Variants in CSMD1 observed in about 807,000 individuals in gnomAD.
The protein encoded by CSMD1 is CUB and sushi domain-containing protein 1.
A neutral mutation model predicts 417.5 loss-of-function variants in CSMD1; 213 were observed. That is an observed-to-expected ratio of 0.51 (90% confidence interval 0.46 to 0.57). CSMD1 has a LOEUF of 0.57. CSMD1 is among the 20% of genes least tolerant of loss of function. The probability of loss-of-function intolerance (pLI) is 0.00; values close to 1 mark genes in which losing one functional copy is unlikely to be tolerated. For synonymous variants in CSMD1, 2,862 were observed against 1,736.8 expected, an observed-to-expected ratio of 1.65 and a Z score of -16.11; for missense variants, 6,923 against 4,529.7, an observed-to-expected ratio of 1.53 and a Z score of -15.17.
At chr8:3,606,712 A>G (rs1391936828) in intron 8 of CSMD1, among the ~76,000 whole-genome samples, 2 of 84,842 alleles carry the variant, frequency 2.4e-5, no homozygotes, top group Non-Finnish European at 5.5e-5. Flanking sequence ...ACTTCGTTAC[A>G]ATTTTTTTTT....
At chr8:3,392,108 C>T (rs113208759) in intron 17 of CSMD1, among the ~76,000 whole-genome samples, 2 of 53,670 alleles carry the variant, frequency 3.7e-5, no homozygotes, top group East Asian at 4.4e-4. Flanking sequence ...GCCTGTTGTG[C>T]GGTGGGGGGA....
intron 10 of CSMD1, among the ~76,000 whole-genome samples, chr8:3,542,290 A>G (rs967240682): frequency 2.6e-5 from 4 of 151,970 alleles, no homozygotes; most frequent in South Asian, 2.1e-4. Flanking sequence ...TGGTTCATTC[A>G]TTCAGATGGT....
At chr8:3,423,988 C>G (rs1237356536) in intron 12 of CSMD1, among the ~76,000 whole-genome samples, 1 of 151,876 alleles carries the variant, frequency 6.6e-6, no homozygotes. Context: ...TACCAGTTTT[C>G]TTTGTTGGTG....
intron 27 of CSMD1, among the ~76,000 whole-genome samples, chr8:3,226,472 A>G (rs1231414472): frequency 6.6e-6 from 1 of 151,230 alleles, no homozygotes; most frequent in Non-Finnish European, 1.5e-5. Flanking sequence ...AATCCTAGCT[A>G]CTCAGGAGGC....
At chr8:4,430,380 C>G (rs928228662) in intron 2 of CSMD1, among the ~76,000 whole-genome samples, 2 of 152,130 alleles carry the variant, frequency 1.3e-5, no homozygotes, top group African/African-American at 4.8e-5. Context: ...TCAGTTTATT[C>G]AAATATATCA....
rs112370578 is a variant in CSMD1, at chr8:3,226,361, T to C, written c.4346-2494A>G. On this transcript the variant is annotated intron_variant, in intron 27 of 69. Coordinates refer to ENST00000635120, the MANE Select transcript of CSMD1 (RefSeq NM_033225.6). Reference sequence around the variant, plus strand: ...ACTTTGGGAGGCCAAGGTGGGCGGATCATCTGAGGGCAGGAGTTCGAGACC... The same window carrying C: ...ACTTTGGGAGGCCAAGGTGGGCGGACCATCTGAGGGCAGGAGTTCGAGACC... Among the ~76,000 whole-genome samples the C allele has an allele frequency of 3.5e-3, 539 of 152,156 alleles. 3 individuals carry two copies. The Middle Eastern group carries it at 0.044, about 12-fold the overall frequency.
At chr8:3,188,681 A>C (rs1228236520) in intron 35 of CSMD1, among the ~76,000 whole-genome samples, 1 of 148,164 alleles carries the variant, frequency 6.7e-6, no homozygotes, top group Non-Finnish European at 1.5e-5. Flanking sequence ...TTCAAAATAT[A>C]GAAAAATGGT....
rs535718964 is a variant in CSMD1, at chr8:4,316,876, T to C, written c.415+103077A>G. The stretch of plus-strand genomic sequence containing the variant: ...TATTAGTGATGTTTTGTGGTTATAC[T>C]CCAAATCTTGGGGTGGGGGAATCTT... On this transcript the variant is annotated intron_variant, in intron 3 of 69. Coordinates refer to ENST00000635120, the MANE Select transcript of CSMD1 (RefSeq NM_033225.6). 2.1e-3 allele frequency among the ~76,000 whole-genome samples: 318 copies of C among 152,188 alleles called. 1 individual carries two copies. The highest frequency in any genetic ancestry group is 6.9e-3 in the African/African-American group (287 of 41,556).
chr8:4,238,299 C>A (rs1265135916), intron 3 of CSMD1, among the ~76,000 whole-genome samples: 2 of 152,172 alleles, frequency 1.3e-5, no homozygotes, highest in Non-Finnish European at 2.9e-5. Flanking sequence ...GTGCTTCCTC[C>A]TTCTCAGCTT....
At chr8:3,858,934 T>G (rs1279652237) in intron 5 of CSMD1, among the ~76,000 whole-genome samples, 3 of 152,170 alleles carry the variant, frequency 2.0e-5, no homozygotes, top group Non-Finnish European at 2.9e-5. Flanking sequence ...TTGGTTGAAG[T>G]CAGTTTCAGC....
intron 2 of CSMD1, among the ~76,000 whole-genome samples, chr8:4,559,119 A>G (rs968682642): frequency 1.3e-5 from 2 of 152,172 alleles, no homozygotes; most frequent in African/African-American, 4.8e-5. Flanking sequence ...CACTGGGGTT[A>G]AATACGCAAA....
intron 69 of CSMD1, among the ~76,000 whole-genome samples, chr8:2,941,157 T>A (rs1044854676): frequency 6.6e-6 from 1 of 152,222 alleles, no homozygotes; most frequent in Non-Finnish European, 1.5e-5. Flanking sequence ...CTAAATATCA[T>A]CTGAAATGTT....
At chr8:4,123,775 A>G (rs1284978750) in intron 3 of CSMD1, among the ~76,000 whole-genome samples, 1 of 152,218 alleles carries the variant, frequency 6.6e-6, no homozygotes, top group East Asian at 1.9e-4. Context: ...ACTGATGATG[A>G]AGTCAGAAGA....
chr8:4,709,284 G>C (rs1048758435), intron 1 of CSMD1, among the ~76,000 whole-genome samples: 1 of 152,172 alleles, frequency 6.6e-6, no homozygotes, highest in African/African-American at 2.4e-5. Context: ...TTGGCTAACT[G>C]CAGGTAGAAG....
intron 5 of CSMD1, among the ~76,000 whole-genome samples, chr8:3,792,745 T>G (rs1463149084): frequency 6.6e-6 from 1 of 152,194 alleles, no homozygotes; most frequent in Non-Finnish European, 1.5e-5. Flanking sequence ...AATGCTCATT[T>G]TCTGATGTTG....
chr8:4,838,562 G>T (rs967774485), intron 1 of CSMD1, among the ~76,000 whole-genome samples: 50 of 152,224 alleles, frequency 3.3e-4, no homozygotes, highest in African/African-American at 1.2e-3. Context: ...CACCTGGGTG[G>T]GGGTGCATGT....
intron 54 of CSMD1, among the ~76,000 whole-genome samples, chr8:2,983,451 G>A (rs1805596936): frequency 6.6e-6 from 1 of 152,180 alleles, no homozygotes; most frequent in Non-Finnish European, 1.5e-5. Flanking sequence ...CTCCCAAAGT[G>A]CCGGGATTGC....
chr8:4,894,777 T>C (rs1804369316), intron 1 of CSMD1, among the ~76,000 whole-genome samples: 1 of 151,868 alleles, frequency 6.6e-6, no homozygotes, highest in Non-Finnish European at 1.5e-5. Context: ...TATAAAATCT[T>C]CTGACTTTTA....
intron 50 of CSMD1, among the ~76,000 whole-genome samples, chr8:3,031,078 T>C (rs1177981727): frequency 6.6e-6 from 1 of 151,970 alleles, no homozygotes; most frequent in Non-Finnish European, 1.5e-5. Flanking sequence ...ATAAAAATAA[T>C]ATTTTTCTCC....
Sources: allele counts gnomAD v4.1 joint callset (sites outside exome capture counted in the v4.1 genomes callset), GRCh38; gene constraint gnomAD v4.1.1; transcripts MANE v1.5; gene names NCBI Gene and HGNC (gene_info 2026-07-23, HGNC 2026-07-21).